The following GRID2 variants were observed in gnomAD, a reference collection of about 807,000 sequenced individuals.
GRID2 encodes the protein glutamate ionotropic receptor delta type subunit 2.
Under a neutral mutation model 114.8 loss-of-function variants are expected in GRID2, and 33 were observed. The ratio of observed to expected loss-of-function variants is 0.29; its 90% CI spans 0.22 to 0.38. The LOEUF is 0.38. Ranked by LOEUF, GRID2 falls within the 10% of genes least tolerant of loss-of-function variation. The pLI is 1.00. For missense variants in GRID2, 1,184 were observed against 1,257.7 expected (o/e 0.94, Z 0.89); for synonymous variants, 505 against 449.9 (o/e 1.12, Z -1.55).
At position 93,331,815 on chromosome 4, in the gene GRID2, A is replaced by T. The variant is rs529718058; in HGVS notation, c.1246-63792A>T. On this transcript the variant is annotated intron_variant, in intron 8 of 15. Transcript: ENST00000282020. ...AAACATACTTTACAGGGTTCTTAAAAGGGTTCAGTTAGCAATTAGGTAATA... is the reference window on the plus strand; with the variant it reads ...AAACATACTTTACAGGGTTCTTAAATGGGTTCAGTTAGCAATTAGGTAATA... Among the ~76,000 whole-genome samples the T allele has an allele frequency of 4.3e-4, 65 of 152,290 alleles. No homozygotes were observed. In the South Asian group the frequency reaches 0.011, roughly 26 times the overall value.
intron 2 of GRID2, among the ~76,000 whole-genome samples, chr4:92,947,332 A>T (rs1751714705): frequency 1.3e-5 from 2 of 152,044 alleles, no homozygotes; most frequent in African/African-American, 2.4e-5. Context: ...CTAATATGAA[A>T]GAAATATTTA....
intron 2 of GRID2, among the ~76,000 whole-genome samples, chr4:92,632,196 A>C (rs2149246764): frequency 6.6e-6 from 1 of 152,284 alleles, no homozygotes; most frequent in African/African-American, 2.4e-5. Flanking sequence ...AAGTACAATT[A>C]GCTGTTTTTT....
chr4:93,717,278 A>C (rs1728979778), intron 14 of GRID2, among the ~76,000 whole-genome samples: 1 of 152,166 alleles, frequency 6.6e-6, no homozygotes, highest in Non-Finnish European at 1.5e-5. Flanking sequence ...TGGAAGGAGA[A>C]GTATTTTCTC....
intron 1 of GRID2, among the ~76,000 whole-genome samples, chr4:92,582,434 C>T (rs1728227098): frequency 1.3e-5 from 2 of 151,580 alleles, no homozygotes; most frequent in Non-Finnish European, 2.9e-5. Flanking sequence ...CAATTTACAT[C>T]TTTATATATA....
At chr4:92,886,448 CA>C in intron 2 of GRID2, among the ~76,000 whole-genome samples, 1 of 152,098 alleles carries the variant, frequency 6.6e-6, no homozygotes, top group South Asian at 2.1e-4. Flanking sequence ...GTAAAAAACA[CA>C]ATAGCCTTGA....
intron 2 of GRID2, among the ~76,000 whole-genome samples, chr4:92,997,288 T>C (rs1755259640): frequency 1.3e-5 from 2 of 152,068 alleles, no homozygotes; most frequent in Admixed American, 1.3e-4. Flanking sequence ...ATGTGTGAGC[T>C]GAAAGTTTGA....
chr4:92,633,256 T>C (rs1730898069), intron 2 of GRID2, among the ~76,000 whole-genome samples: 1 of 152,076 alleles, frequency 6.6e-6, no homozygotes, highest in South Asian at 2.1e-4. Flanking sequence ...TGCAGACACA[T>C]CTCAATAAGT....
chr4:93,120,446 C>T (rs956268632), intron 4 of GRID2, among the ~76,000 whole-genome samples: 3 of 152,048 alleles, frequency 2.0e-5, no homozygotes, highest in Non-Finnish European at 2.9e-5. Context: ...CCCTTTGCAG[C>T]GAGATGGATG....
intron 14 of GRID2, among the ~76,000 whole-genome samples, chr4:93,688,950 G>A (rs1726308419): frequency 1.3e-5 from 2 of 152,000 alleles, no homozygotes; most frequent in Non-Finnish European, 2.9e-5. Flanking sequence ...CTGAGCCTTA[G>A]TACTTCAGAA....
intron 1 of GRID2, among the ~76,000 whole-genome samples, chr4:92,487,194 G>A (rs928394191): frequency 6.6e-5 from 10 of 151,084 alleles, no homozygotes; most frequent in Non-Finnish European, 1.2e-4. Context: ...TATTTCTTTC[G>A]TTTAAACAGA....
chr4:92,724,090 C>A lies in GRID2; in HGVS notation c.244+133804C>A, dbSNP rs565503929. ...TTTATCAATTAAAATTAATTTGACA[C>A]CCTAATGGTACATGGTACTATAAGA... On this transcript the variant is annotated intron_variant, in intron 2 of 15. Transcript: ENST00000282020. Among the ~76,000 whole-genome samples the A allele has an allele frequency of 2.0e-5, 3 of 152,078 alleles. No homozygotes were observed. The South Asian group carries it at 6.2e-4, about 32-fold the overall frequency.
At chr4:93,780,961 C>T (rs1258814944) in intron 1 of GRID2, among the ~76,000 whole-genome samples, 3 of 151,940 alleles carry the variant, frequency 2.0e-5, no homozygotes, top group Admixed American at 6.6e-5. Flanking sequence ...AGATACAGAG[C>T]GTAGATAGGT....
chr4:92,858,122 C>T lies in GRID2; in HGVS notation c.245-226873C>T, dbSNP rs781714058. 2.0e-5 allele frequency among the ~76,000 whole-genome samples: 3 copies of T among 152,210 alleles called. No homozygotes were observed. The South Asian group carries it at 6.2e-4, about 32-fold the overall frequency. On this transcript the variant is annotated intron_variant, in intron 2 of 15. Transcript: ENST00000282020. ...TAATTGCCAATGCAACCTGGTCAAC[C>T]TAGACCTCTGATGGAGTTGTATGAG...
chr4:93,056,088 A>G (rs1373300279), intron 2 of GRID2, among the ~76,000 whole-genome samples: 1 of 151,948 alleles, frequency 6.6e-6, no homozygotes, highest in Non-Finnish European at 1.5e-5. Context: ...TTTATCTCTT[A>G]GAGCAGTTTG....
intron 9 of GRID2, among the ~76,000 whole-genome samples, chr4:93,398,581 T>A (rs1765578183): frequency 6.6e-6 from 1 of 151,916 alleles, no homozygotes. Flanking sequence ...ATTTCCAGGC[T>A]GAATAAAACA....
chr4:93,806,335 T>A (rs186431649), intron 1 of GRID2, among the ~76,000 whole-genome samples: 2 of 152,296 alleles, frequency 1.3e-5, no homozygotes, highest in Admixed American at 6.5e-5. Context: ...CGACACCAAC[T>A]TTGGTAGAAC....
intron 14 of GRID2, among the ~76,000 whole-genome samples, chr4:93,754,566 G>C (rs1732592742): frequency 6.6e-6 from 1 of 152,162 alleles, no homozygotes; most frequent in African/African-American, 2.4e-5. Flanking sequence ...CAAATAGACA[G>C]AGTGTAGTAT....
At chr4:92,882,310 G>A (rs772487171) in intron 2 of GRID2, among the ~76,000 whole-genome samples, 5 of 151,952 alleles carry the variant, frequency 3.3e-5, no homozygotes, top group Non-Finnish European at 7.4e-5. Context: ...AGCCAGGTGT[G>A]GTTTACACAT....
At chr4:93,323,434 GT>G (rs1244802440) in intron 8 of GRID2, among the ~76,000 whole-genome samples, 1 of 152,152 alleles carries the variant, frequency 6.6e-6, no homozygotes, top group Non-Finnish European at 1.5e-5. Context: ...GTACCATGCT[GT>G]TTTGGTTACT....
Sources: allele counts gnomAD v4.1 joint callset (sites outside exome capture counted in the v4.1 genomes callset), GRCh38; gene constraint gnomAD v4.1.1; transcripts MANE v1.5; gene names NCBI Gene and HGNC (gene_info 2026-07-23, HGNC 2026-07-21).